Variants in DNAJB1 observed in about 807,000 individuals in gnomAD.
DNAJB1 encodes dnaJ homolog subfamily B member 1.
A neutral mutation model predicts 24.0 loss-of-function variants in DNAJB1; 14 were observed. The ratio of observed to expected loss-of-function variants is 0.58; its 90% CI spans 0.39 to 0.91. The LOEUF is 0.91. DNAJB1 is among the 40% of genes least tolerant of loss of function. The probability of loss-of-function intolerance (pLI) is 0.00; values close to 1 mark genes in which losing one functional copy is unlikely to be tolerated. For synonymous variants in DNAJB1, 262 were observed against 174.4 expected (o/e 1.50, Z -3.96); for missense variants, 517 against 458.1 (o/e 1.13, Z -1.17).
At chr19:14,559,726 G>C (rs1404413848) in intron 1 of DNAJB1, among the ~76,000 whole-genome samples, 1 of 151,770 alleles carries the variant, frequency 6.6e-6, no homozygotes, top group African/African-American at 2.4e-5. Flanking sequence ...GGCGGAGGTT[G>C]CAGTGAGTCA....
At chr19:14,534,210 C>T (rs901716035), upstream of DNAJB1, among the ~76,000 whole-genome samples, 4 of 151,662 alleles carry the variant, frequency 2.6e-5, no homozygotes, top group Admixed American at 2.0e-4. Context: ...CTGTAAGCTC[C>T]GCCTCCCGGG....
chr19:14,525,985 C>G (rs1156468590), intron 2 of DNAJB1, among the ~76,000 whole-genome samples: 1 of 152,152 alleles, frequency 6.6e-6, no homozygotes, highest in Non-Finnish European at 1.5e-5. Flanking sequence ...ACAACCCAAA[C>G]CAGCCAAGCC....
intron 1 of DNAJB1, among the ~76,000 whole-genome samples, chr19:14,536,426 C>T (rs185321507): frequency 5.3e-5 from 8 of 152,068 alleles, no homozygotes; most frequent in Admixed American, 2.6e-4. Flanking sequence ...CCCACCACCA[C>T]GCCCGGCTAA....
At chr19:14,540,244 A>T (rs34342397) in intron 1 of DNAJB1, among the ~76,000 whole-genome samples, 1 of 149,266 alleles carries the variant, frequency 6.7e-6, no homozygotes, top group African/African-American at 2.5e-5. Flanking sequence ...TTTATTTTTT[A>T]TTTTTACTAG....
upstream of DNAJB1, among the ~76,000 whole-genome samples, chr19:14,554,986 C>T (rs981054278): frequency 1.3e-5 from 2 of 151,750 alleles, no homozygotes; most frequent in African/African-American, 4.8e-5. Flanking sequence ...ACCATGTTAG[C>T]CTGGCTGGTC....
upstream of DNAJB1, among the ~76,000 whole-genome samples, chr19:14,518,617 G>GGC (rs1229478682): frequency 3.3e-5 from 5 of 152,096 alleles, no homozygotes; most frequent in Admixed American, 2.6e-4. Context: ...ACCTCCCCGC[G>GGC]GCGCGCGCGC....
chr19:14,557,738 CA>C (rs2073780301), intron 1 of DNAJB1, among the ~76,000 whole-genome samples: 2 of 150,690 alleles, frequency 1.3e-5, no homozygotes, highest in South Asian at 4.2e-4. Flanking sequence ...AGGCATGAGC[CA>C]CCGTGCCCGG....
Position 14,515,659 on chromosome 19 carries a change from G to A in DNAJB1, c.*281C>T, listed in dbSNP as rs2072244023. On this transcript the variant is annotated 3_prime_UTR_variant, in exon 3 of 3. Coordinates refer to ENST00000254322, the MANE Select transcript of DNAJB1 (RefSeq NM_006145.3). ...CTCTCACCCCTGGCCAGGGACTGGAGGTGGATGTGGGCCCATCCCGGGAGG... is the reference window on the plus strand; with the variant it reads ...CTCTCACCCCTGGCCAGGGACTGGAAGTGGATGTGGGCCCATCCCGGGAGG... The A allele has an allele frequency of 4.9e-6, 2 of 409,134 alleles. No homozygotes were observed. The highest frequency in any genetic ancestry group is 8.8e-6 in the Non-Finnish European group (2 of 227,906). The allele number at this position is 409,134 out of a possible 1,614,324, so 25.3% of individuals were successfully genotyped here.
At chr19:14,539,328 T>C (rs2073018454) in intron 1 of DNAJB1, among the ~76,000 whole-genome samples, 1 of 151,944 alleles carries the variant, frequency 6.6e-6, no homozygotes, top group South Asian at 2.1e-4. Flanking sequence ...GCTCTTTCCT[T>C]CTTCATGGGA....
upstream of DNAJB1, chr19:14,530,150 T>A (rs2072574493): frequency 4.9e-6 from 1 of 203,254 alleles, no homozygotes; most frequent in Admixed American, 5.3e-5. Context: ...TTTGGACCCC[T>A]TCCCTCGCCC....
upstream of DNAJB1, among the ~76,000 whole-genome samples, chr19:14,519,786 GTC>G (rs2146527243): frequency 6.6e-6 from 1 of 152,260 alleles, no homozygotes; most frequent in East Asian, 1.9e-4. Flanking sequence ...ACATAGGTGT[GTC>G]ACACACCTTT....
chr19:14,515,794 T>C lies in DNAJB1; in HGVS notation c.*146A>G. 2.7e-6 allele frequency: 2 copies of C among 743,370 alleles called. No homozygotes were observed. The highest frequency in any genetic ancestry group is 6.3e-5 in the Admixed American group (2 of 31,642). 46.0% of individuals were successfully genotyped at this position (743,370 alleles called of 1,614,324 possible). ...AGTCTAGTGTGCGACTTTGAAAGAT[T>C]GTAATATATGCTCTGGAAAACATTC... On this transcript the variant is annotated 3_prime_UTR_variant, in exon 3 of 3. Transcript: ENST00000254322.
At chr19:14,522,487 G>GAAAA (rs60019206), upstream of DNAJB1, among the ~76,000 whole-genome samples, 3 of 59,192 alleles carry the variant, frequency 5.1e-5, no homozygotes, top group Admixed American at 4.2e-4. Flanking sequence ...CTGTCTCGAA[G>GAAAA]AAAAAAAAAA....
intron 1 of DNAJB1, among the ~76,000 whole-genome samples, chr19:14,546,996 A>G (rs556721216): frequency 6.6e-6 from 1 of 152,318 alleles, no homozygotes; most frequent in African/African-American, 2.4e-5. Flanking sequence ...CACCCAGCCT[A>G]AAAATTAAAT....
chr19:14,553,410 C>A (rs1480575022), upstream of DNAJB1, among the ~76,000 whole-genome samples: 4 of 152,154 alleles, frequency 2.6e-5, no homozygotes, highest in African/African-American at 7.2e-5. Flanking sequence ...TTCCTCCCCA[C>A]CCTGGGTGAC....
chr19:14,547,000 A>C (rs1319903339), intron 1 of DNAJB1, among the ~76,000 whole-genome samples: 2 of 152,148 alleles, frequency 1.3e-5, no homozygotes, highest in South Asian at 4.1e-4. Flanking sequence ...CAGCCTAAAA[A>C]TTAAATTTCA....
At chr19:14,537,152 G>C (rs964030049) in intron 1 of DNAJB1, among the ~76,000 whole-genome samples, 1 of 130,458 alleles carries the variant, frequency 7.7e-6, no homozygotes, top group African/African-American at 2.9e-5. Flanking sequence ...AGGTAGGGCT[G>C]AGAAAGAAGA....
chr19:14,520,506 A>G (rs2072347529), upstream of DNAJB1, among the ~76,000 whole-genome samples: 1 of 152,174 alleles, frequency 6.6e-6, no homozygotes, highest in South Asian at 2.1e-4. Flanking sequence ...AATAACTATC[A>G]GGAGCATCCA....
upstream of DNAJB1, among the ~76,000 whole-genome samples, chr19:14,554,436 T>G (rs1024698515): frequency 2.0e-5 from 3 of 151,910 alleles, no homozygotes; most frequent in African/African-American, 4.8e-5. Flanking sequence ...GGCAGGCAGG[T>G]GCCTTGCTGG....
Sources: gnomAD v4.1 joint callset for allele counts (sites outside exome capture counted in the v4.1 genomes callset) on GRCh38, gnomAD v4.1.1 for gene constraint, MANE v1.5 for transcripts, NCBI Gene and HGNC (gene_info 2026-07-23, HGNC 2026-07-21) for gene names.